The following RPS6KC1 variants were observed in gnomAD, a reference collection of about 807,000 sequenced individuals.
RPS6KC1 encodes the protein ribosomal protein S6 kinase C1, also known as inactive ribosomal protein S6 kinase delta-1.
Under a neutral mutation model 103.8 loss-of-function variants are expected in RPS6KC1, and 54 were observed. That is an observed-to-expected ratio of 0.52 (90% CI 0.42 to 0.65). The LOEUF is 0.65. Among genes scored for constraint, RPS6KC1 ranks in the 30% least tolerant of loss-of-function variants. RPS6KC1 has a pLI of 0.00. For synonymous variants in RPS6KC1, 439 were observed against 438.7 expected, an observed-to-expected ratio of 1.00 and a Z score of -0.01; for missense variants, 1,151 against 1,253.8, an observed-to-expected ratio of 0.92 and a Z score of 1.24.
the RPS6KC1 span, among the ~76,000 whole-genome samples, chr1:213,769,737 A>G: frequency 6.6e-6 from 1 of 152,192 alleles, no homozygotes; most frequent in Admixed American, 6.5e-5. Flanking sequence ...AAAGAAAATG[A>G]CAGGCACTCA....
chr1:213,682,082 T>C, the RPS6KC1 span, among the ~76,000 whole-genome samples: 1 of 152,210 alleles, frequency 6.6e-6, no homozygotes, highest in Non-Finnish European at 1.5e-5. Flanking sequence ...GGACCAGTCA[T>C]CCTGGTTTGC....
chr1:213,183,815 G>T (rs531712699), intron 8 of RPS6KC1, among the ~76,000 whole-genome samples: 1 of 152,050 alleles, frequency 6.6e-6, no homozygotes, highest in South Asian at 2.1e-4. Context: ...ATAAAAAACC[G>T]TAGACAAAAA....
intron 6 of RPS6KC1, among the ~76,000 whole-genome samples, chr1:213,153,528 T>C (rs1387013990): frequency 6.6e-6 from 1 of 152,212 alleles, no homozygotes; most frequent in African/African-American, 2.4e-5. Context: ...TTCTGTCTTA[T>C]TGTGTTGCCT....
At chr1:213,618,289 C>A in the RPS6KC1 span, among the ~76,000 whole-genome samples, 2 of 152,158 alleles carry the variant, frequency 1.3e-5, no homozygotes, top group Non-Finnish European at 2.9e-5. Context: ...TCTGATCATA[C>A]CCACAACTCC....
chr1:213,505,745 G>A, the RPS6KC1 span, among the ~76,000 whole-genome samples: 1 of 152,170 alleles, frequency 6.6e-6, no homozygotes, highest in Non-Finnish European at 1.5e-5. Context: ...CTGGGTTCAT[G>A]CTCTTGACCA....
At chr1:213,316,491 A>G in the RPS6KC1 span, among the ~76,000 whole-genome samples, 1 of 152,184 alleles carries the variant, frequency 6.6e-6, no homozygotes, top group Non-Finnish European at 1.5e-5. Context: ...TGGTGAATCT[A>G]ATGATTTTAA....
intron 8 of RPS6KC1, among the ~76,000 whole-genome samples, chr1:213,189,240 G>A (rs2148451062): frequency 6.6e-6 from 1 of 152,182 alleles, no homozygotes; most frequent in East Asian, 1.9e-4. Context: ...CTTGAGGTCA[G>A]GAGTTCGAGA....
At chr1:213,850,293 G>A in the RPS6KC1 span, among the ~76,000 whole-genome samples, 1 of 152,134 alleles carries the variant, frequency 6.6e-6, no homozygotes, top group African/African-American at 2.4e-5. Context: ...ATCACAAAGA[G>A]TTTTTTCAAT....
At chr1:213,172,979 A>G (rs2091592320) in intron 7 of RPS6KC1, among the ~76,000 whole-genome samples, 1 of 152,240 alleles carries the variant, frequency 6.6e-6, no homozygotes, top group African/African-American at 2.4e-5. Context: ...CAATGGGCCA[A>G]GTTTCCCCTA....
chr1:213,478,560 G>A, the RPS6KC1 span, among the ~76,000 whole-genome samples: 24 of 152,186 alleles, frequency 1.6e-4, no homozygotes, highest in South Asian at 1.5e-3. Flanking sequence ...CATTTTAATG[G>A]ATGTATAGTG....
At chr1:213,430,586 G>A in the RPS6KC1 span, among the ~76,000 whole-genome samples, 2 of 152,222 alleles carry the variant, frequency 1.3e-5, no homozygotes, top group Admixed American at 6.5e-5. Context: ...CCTTCATGTA[G>A]GAGTCGGAAT....
the RPS6KC1 span, among the ~76,000 whole-genome samples, chr1:213,507,865 C>T: frequency 6.6e-6 from 1 of 152,222 alleles, no homozygotes; most frequent in African/African-American, 2.4e-5. Context: ...AGTGTTGCTA[C>T]AATGCCTGTA....
chr1:213,106,980 G>T (rs1389494288), intron 4 of RPS6KC1, among the ~76,000 whole-genome samples: 1 of 150,874 alleles, frequency 6.6e-6, no homozygotes, highest in East Asian at 1.9e-4. Context: ...TCACTCTGTT[G>T]CCCAGGCTAG....
chr1:213,433,502 T>G, the RPS6KC1 span, among the ~76,000 whole-genome samples: 4 of 152,252 alleles, frequency 2.6e-5, no homozygotes, highest in African/African-American at 7.2e-5. Flanking sequence ...TACCTAGGCA[T>G]GAAATGGCTG....
At chr1:213,462,743 C>A in the RPS6KC1 span, among the ~76,000 whole-genome samples, 1 of 152,152 alleles carries the variant, frequency 6.6e-6, no homozygotes, top group East Asian at 1.9e-4. Flanking sequence ...CACACTGGGG[C>A]CTGTTGGCGG....
At chr1:213,654,092 C>T in the RPS6KC1 span, among the ~76,000 whole-genome samples, 6 of 152,234 alleles carry the variant, frequency 3.9e-5, no homozygotes, top group Non-Finnish European at 5.9e-5. Context: ...TTACTTATCT[C>T]TCAGCTGAAG....
chr1:213,195,936 T>C (rs1206473814), intron 8 of RPS6KC1, among the ~76,000 whole-genome samples: 2 of 152,142 alleles, frequency 1.3e-5, no homozygotes, highest in Non-Finnish European at 2.9e-5. Flanking sequence ...TGTGCTGTTA[T>C]AAATGTGTGT....
chr1:213,679,015 G>A, the RPS6KC1 span, among the ~76,000 whole-genome samples: 3 of 152,190 alleles, frequency 2.0e-5, 1 homozygote, highest in Admixed American at 6.5e-5. Flanking sequence ...CCATGTTGGA[G>A]AATGGGTCTC....
the RPS6KC1 span, among the ~76,000 whole-genome samples, chr1:213,457,679 T>C: frequency 1.3e-5 from 2 of 152,226 alleles, no homozygotes; most frequent in Non-Finnish European, 2.9e-5. Context: ...GCAAGTGGTG[T>C]ATTCTAGATA....
Sources: allele counts gnomAD v4.1 joint callset (sites outside exome capture counted in the v4.1 genomes callset), GRCh38; gene constraint gnomAD v4.1.1; transcripts MANE v1.5; gene names NCBI Gene and HGNC (gene_info 2026-07-23, HGNC 2026-07-21).